SGMS2: variants seen among roughly 807,000 people sequenced by gnomAD.
The protein encoded by SGMS2 is sphingomyelin synthase 2, also known as phosphatidylcholine:ceramide cholinephosphotransferase 2.
Under a neutral mutation model 43.8 loss-of-function variants are expected in SGMS2, and 21 were observed. The observed-to-expected ratio is 0.48, with a 90% CI of 0.34 to 0.69. SGMS2 has a LOEUF of 0.69. Among genes scored for constraint, SGMS2 ranks in the 30% least tolerant of loss-of-function variants. The pLI is 0.01. For missense variants in SGMS2, 384 were observed against 443.2 expected, an observed-to-expected ratio of 0.87 and a Z score of 1.20; for synonymous variants, 167 against 160.6, an observed-to-expected ratio of 1.04 and a Z score of -0.30.
chr4:107,871,324 T>C (rs1728543854), intron 2 of SGMS2, among the ~76,000 whole-genome samples: 1 of 152,212 alleles, frequency 6.6e-6, no homozygotes, highest in Non-Finnish European at 1.5e-5. Context: ...TCCCATTTTA[T>C]TTCTGTCATT....
chr4:107,891,996 A>G (rs1730257105), intron 2 of SGMS2, among the ~76,000 whole-genome samples: 1 of 151,960 alleles, frequency 6.6e-6, no homozygotes. Context: ...GCTGCTCTTC[A>G]TTAGACAAAA....
At chr4:107,844,667 C>A (rs192395553) in intron 1 of SGMS2, among the ~76,000 whole-genome samples, 6 of 152,288 alleles carry the variant, frequency 3.9e-5, no homozygotes, top group Admixed American at 3.9e-4. Flanking sequence ...GATTGCACCA[C>A]CGCTCTCCAG....
At chr4:107,833,097 T>C (rs1164814705) in intron 1 of SGMS2, among the ~76,000 whole-genome samples, 1 of 152,196 alleles carries the variant, frequency 6.6e-6, no homozygotes. Flanking sequence ...TAAAAGCTTC[T>C]GAGTGCATGG....
At chr4:107,835,067 GT>G (rs143416744) in intron 1 of SGMS2, among the ~76,000 whole-genome samples, 98 of 148,164 alleles carry the variant, frequency 6.6e-4, no homozygotes, top group Middle Eastern at 3.4e-3. Flanking sequence ...AATAGATGGG[GT>G]TTTTTTTTTA....
At chr4:107,848,203 C>A (rs1184626644) in intron 1 of SGMS2, among the ~76,000 whole-genome samples, 1 of 152,098 alleles carries the variant, frequency 6.6e-6, no homozygotes, top group African/African-American at 2.4e-5. Flanking sequence ...TTTCATTTAG[C>A]AGTTTGCATT....
chr4:107,899,285 C>T (rs934952044), intron 3 of SGMS2, among the ~76,000 whole-genome samples: 10 of 152,178 alleles, frequency 6.6e-5, no homozygotes, highest in Admixed American at 6.5e-4. Context: ...GACTCTTCGT[C>T]TACTTTAGTT....
chr4:107,885,150 C>A (rs1274599932), intron 2 of SGMS2, among the ~76,000 whole-genome samples: 1 of 152,080 alleles, frequency 6.6e-6, no homozygotes, highest in East Asian at 1.9e-4. Context: ...AGTTAAAGAT[C>A]TCTATAGATT....
At position 107,910,444 on chromosome 4, in the gene SGMS2, C is replaced by T; in HGVS notation, c.989C>T (p.Pro330Leu). The change falls in exon 7 of 7, where the codon CCT becomes CTT. Residue 330 changes from proline (P) to leucine (L), a missense_variant. Transcript: ENST00000690982. Reference sequence around the variant, plus strand: ...GAGAAAAATGTACAAGGCTCAATTCCTTGCTGCTTCTCCTGGCCGCTGTCT... The same window carrying T: ...GAGAAAAATGTACAAGGCTCAATTCTTTGCTGCTTCTCCTGGCCGCTGTCT... ...FFEKNVQGSI[P>L]CCFSWPLSWP... 1 of 1,614,022 alleles carries T rather than the reference C, an allele frequency of 6.2e-7. No homozygotes were observed.
At chr4:107,866,997 G>A (rs1728179619) in intron 2 of SGMS2, 1 of 152,108 alleles carries the variant, frequency 6.6e-6, no homozygotes, top group African/African-American at 2.4e-5. Context: ...GCTTTGTCAT[G>A]GCACTATCAG....
At chr4:107,834,969 A>T (rs1421225885) in intron 1 of SGMS2, among the ~76,000 whole-genome samples, 1 of 152,160 alleles carries the variant, frequency 6.6e-6, no homozygotes, top group African/African-American at 2.4e-5. Context: ...CAGGATTTAG[A>T]GGTTGCAGTG....
Position 107,911,139 on chromosome 4 carries a change from T to TG in SGMS2, c.*586_*587insG. The TG allele has an allele frequency of 6.6e-6, 1 of 152,224 alleles. No individual in the cohort carries two copies. Among genetic ancestry groups the TG allele is most frequent in the South Asian group, 2.1e-4 (1 of 4,826 alleles). The allele number at this position is 152,224 out of a possible 1,614,324, so 9.4% of individuals were successfully genotyped here. ...CCACCCAATGCGCTACATATCACTTTTTTTTGTTTTGTTTTGTTTTGTTTT... is the reference window on the plus strand; with the variant it reads ...CCACCCAATGCGCTACATATCACTTTGTTTTTGTTTTGTTTTGTTTTGTTTT... On this transcript the variant is annotated 3_prime_UTR_variant, in exon 7 of 7. Coordinates refer to ENST00000690982, the MANE Select transcript of SGMS2 (RefSeq NM_001375905.1).
intron 1 of SGMS2, among the ~76,000 whole-genome samples, chr4:107,849,888 G>T (rs1005175621): frequency 6.6e-6 from 1 of 152,270 alleles, no homozygotes; most frequent in Non-Finnish European, 1.5e-5. Context: ...AGTGAAAAAT[G>T]AGTGTGTGTA....
At chr4:107,866,893 T>G (rs1374424933) in intron 2 of SGMS2, 1 of 152,146 alleles carries the variant, frequency 6.6e-6, no homozygotes, top group Non-Finnish European at 1.5e-5. Flanking sequence ...AACCCAAGAT[T>G]GCAAAATTAC....
intron 1 of SGMS2, among the ~76,000 whole-genome samples, chr4:107,853,239 G>T (rs894081507): frequency 6.6e-6 from 1 of 152,020 alleles, no homozygotes; most frequent in African/African-American, 2.4e-5. Flanking sequence ...TTTTTAATAG[G>T]TGTGTCAGGC....
intron 2 of SGMS2, among the ~76,000 whole-genome samples, chr4:107,884,288 A>G (rs1729574952): frequency 6.6e-6 from 1 of 152,160 alleles, no homozygotes; most frequent in African/African-American, 2.4e-5. Context: ...TTGATTTTCC[A>G]GGATTATTTT....
In SGMS2 at chr4:107,825,037, C is replaced by T. The variant is rs1578483665; in HGVS notation, c.-543C>T. ...CCGCCGAGTGCGGCCTCGGGGGCGGCGGCCGCGGGAGGGACCCGGAGAGCT... is the reference window on the plus strand; with the variant it reads ...CCGCCGAGTGCGGCCTCGGGGGCGGTGGCCGCGGGAGGGACCCGGAGAGCT... On this transcript the variant is annotated 5_prime_UTR_variant, in exon 1 of 7. Transcript: ENST00000690982. 6.6e-6 allele frequency: 1 copy of T among 151,988 alleles called. No individual in the cohort carries two copies. The highest frequency in any genetic ancestry group is 1.5e-5 in the Non-Finnish European group (1 of 68,012). 9.4% of individuals were successfully genotyped at this position (151,988 alleles called of 1,614,324 possible).
intron 1 of SGMS2, among the ~76,000 whole-genome samples, chr4:107,857,951 C>T (rs1480915877): frequency 6.6e-6 from 1 of 152,208 alleles, no homozygotes; most frequent in Non-Finnish European, 1.5e-5. Context: ...TGCCTCAGGG[C>T]CTTTGGGCCA....
intron 2 of SGMS2, among the ~76,000 whole-genome samples, chr4:107,871,253 T>G (rs1255651504): frequency 6.6e-6 from 1 of 152,212 alleles, no homozygotes; most frequent in Non-Finnish European, 1.5e-5. Flanking sequence ...ATTTTCAGTT[T>G]TTATCTATAT....
intron 2 of SGMS2, chr4:107,868,048 G>A (rs1356644401): frequency 6.6e-6 from 1 of 152,068 alleles, no homozygotes; most frequent in Admixed American, 6.5e-5. Context: ...TAGTAATAAA[G>A]CCCAATTAGC....
Sources: allele counts gnomAD v4.1 joint callset (sites outside exome capture counted in the v4.1 genomes callset), GRCh38; gene constraint gnomAD v4.1.1; transcripts MANE v1.5; gene names NCBI Gene and HGNC (gene_info 2026-07-23, HGNC 2026-07-21).